The following ASTN2 variants were observed in gnomAD, a reference collection of about 807,000 sequenced individuals.
The protein encoded by ASTN2 is astrotactin 2, also known as astrotactin-2.
Under a neutral mutation model 139.8 loss-of-function variants are expected in ASTN2, and 54 were observed. That is an observed-to-expected ratio of 0.39 (90% CI 0.31 to 0.48). ASTN2 has a LOEUF of 0.48. Among genes scored for constraint, ASTN2 ranks in the 20% least tolerant of loss-of-function variants. The pLI is 0.95. For synonymous variants in ASTN2, 756 were observed against 719.5 expected (o/e 1.05, Z -0.81); for missense variants, 1,565 against 1,725.1 (o/e 0.91, Z 1.64).
intron 2 of ASTN2, among the ~76,000 whole-genome samples, chr9:117,247,751 G>A (rs971003938): frequency 3.3e-5 from 5 of 152,194 alleles, no homozygotes; most frequent in Non-Finnish European, 5.9e-5. Flanking sequence ...GAAACAAAAT[G>A]CTTCATTTCT....
rs80088444 is a variant in ASTN2 at position 116,750,395 on chromosome 9, T to C, written c.2397-16872A>G. 1.2e-4 allele frequency among the ~76,000 whole-genome samples: 18 copies of C among 152,298 alleles called. No individual in the cohort carries two copies. In the East Asian group the frequency reaches 3.5e-3, roughly 29 times the overall value. On this transcript the variant is annotated intron_variant, in intron 13 of 22. Coordinates refer to ENST00000313400, the MANE Select transcript of ASTN2 (RefSeq NM_001365068.1). ...GTGTGAATTTGTGGTTGGGGTCGCA[T>C]TTCTGAAAGTTTCTTCTTCCCTTTT...
chr9:117,125,962 T>G (rs1472166757), intron 4 of ASTN2, among the ~76,000 whole-genome samples: 2 of 152,198 alleles, frequency 1.3e-5, no homozygotes, highest in Non-Finnish European at 2.9e-5. Flanking sequence ...TTTTACCATG[T>G]GATGGGGACA....
chr9:116,535,183 C>A (rs1038546271), intron 19 of ASTN2, among the ~76,000 whole-genome samples: 8 of 152,078 alleles, frequency 5.3e-5, no homozygotes. Context: ...AGGATTGCAA[C>A]CTCTGCCTTT....
At chr9:116,943,257 T>C (rs954702158) in intron 10 of ASTN2, among the ~76,000 whole-genome samples, 3 of 152,180 alleles carry the variant, frequency 2.0e-5, no homozygotes, top group Non-Finnish European at 4.4e-5. Flanking sequence ...CCAGCACTCC[T>C]GGCACACCTG....
At chr9:116,816,240 C>T (rs949020495) in intron 12 of ASTN2, among the ~76,000 whole-genome samples, 2 of 152,186 alleles carry the variant, frequency 1.3e-5, no homozygotes, top group African/African-American at 4.8e-5. Flanking sequence ...ACAAAACAGA[C>T]AAACTTTGTT....
At chr9:117,196,499 G>A (rs1831506650) in intron 3 of ASTN2, among the ~76,000 whole-genome samples, 1 of 152,154 alleles carries the variant, frequency 6.6e-6, no homozygotes, top group Admixed American at 6.5e-5. Context: ...CTTGGACTGG[G>A]ATCCTGAGAA....
At chr9:116,894,892 C>T (rs187400337) in intron 10 of ASTN2, among the ~76,000 whole-genome samples, 10 of 152,286 alleles carry the variant, frequency 6.6e-5, no homozygotes, top group Admixed American at 1.3e-4. Flanking sequence ...TAAGGCTCCA[C>T]AATAGATACT....
intron 2 of ASTN2, among the ~76,000 whole-genome samples, chr9:117,259,911 A>G (rs1347733876): frequency 6.6e-6 from 1 of 152,252 alleles, no homozygotes; most frequent in Non-Finnish European, 1.5e-5. Flanking sequence ...AATTATTAAA[A>G]TGATGACTGT....
chr9:116,916,961 C>G (rs1396046782), intron 10 of ASTN2, among the ~76,000 whole-genome samples: 1 of 152,148 alleles, frequency 6.6e-6, no homozygotes, highest in Non-Finnish European at 1.5e-5. Flanking sequence ...ATTGTTCCAG[C>G]CATTGGGGCT....
intron 4 of ASTN2, among the ~76,000 whole-genome samples, chr9:117,119,629 C>G (rs1053880135): frequency 6.6e-6 from 1 of 152,164 alleles, no homozygotes; most frequent in African/African-American, 2.4e-5. Context: ...TCCTTCATGT[C>G]TGATTTTCAA....
intron 3 of ASTN2, among the ~76,000 whole-genome samples, chr9:117,156,689 G>T (rs1370648069): frequency 6.6e-6 from 1 of 151,976 alleles, no homozygotes. Context: ...ACATCACTTT[G>T]CAAAAATGAA....
chr9:117,401,011 G>C (rs931784568), intron 1 of ASTN2, among the ~76,000 whole-genome samples: 1 of 152,120 alleles, frequency 6.6e-6, no homozygotes, highest in Non-Finnish European at 1.5e-5. Context: ...AGGGATTAAG[G>C]TACAGGCTTA....
At chr9:116,738,937 C>CAAAAA (rs1312441588) in intron 13 of ASTN2, among the ~76,000 whole-genome samples, 6 of 152,140 alleles carry the variant, frequency 3.9e-5, no homozygotes, top group Non-Finnish European at 7.3e-5. Context: ...AGTCTGCTTT[C>CAAAAA]AAGAAAGCAT....
intron 19 of ASTN2, chr9:116,582,207 T>C (rs1853977500): frequency 6.6e-6 from 1 of 152,218 alleles, no homozygotes; most frequent in Admixed American, 6.5e-5. Context: ...TCTCCAGGAC[T>C]CAATTTTCTT....
intron 1 of ASTN2, among the ~76,000 whole-genome samples, chr9:117,405,339 G>T (rs973706942): frequency 1.3e-5 from 2 of 152,170 alleles, no homozygotes; most frequent in African/African-American, 4.8e-5. Flanking sequence ...TCTTGGGTAG[G>T]TTCCTTCACT....
intron 11 of ASTN2, among the ~76,000 whole-genome samples, chr9:116,834,519 A>C (rs1021620396): frequency 6.6e-6 from 1 of 152,152 alleles, no homozygotes; most frequent in Non-Finnish European, 1.5e-5. Context: ...TTCATGGTAA[A>C]TGATATTTTA....
chr9:117,248,455 T>G (rs1833446323), intron 2 of ASTN2, among the ~76,000 whole-genome samples: 1 of 152,186 alleles, frequency 6.6e-6, no homozygotes, highest in Non-Finnish European at 1.5e-5. Flanking sequence ...AAGTTCACAA[T>G]GTCTAGTGCA....
intron 2 of ASTN2, among the ~76,000 whole-genome samples, chr9:117,222,264 C>T (rs879745211): frequency 6.6e-6 from 1 of 152,178 alleles, no homozygotes; most frequent in Non-Finnish European, 1.5e-5. Flanking sequence ...AACCTTGTCT[C>T]GAACGTATGC....
chr9:117,098,905 C>G (rs58592523), intron 4 of ASTN2, among the ~76,000 whole-genome samples: 4 of 151,810 alleles, frequency 2.6e-5, no homozygotes, highest in African/African-American at 7.3e-5. Context: ...TTCAGGAGTT[C>G]GAGACCAGCC....
Sources: gnomAD v4.1 joint callset for allele counts (sites outside exome capture counted in the v4.1 genomes callset) on GRCh38, gnomAD v4.1.1 for gene constraint, MANE v1.5 for transcripts, NCBI Gene and HGNC (gene_info 2026-07-23, HGNC 2026-07-21) for gene names.